SMPD3: variants seen among roughly 807,000 people sequenced by gnomAD.
The protein encoded by SMPD3 is nSMase-2.
SMPD3 carries 21 observed loss-of-function variants against 55.7 expected under a neutral mutation model. The observed-to-expected ratio is 0.38, with a 90% confidence interval of 0.27 to 0.54. The LOEUF is 0.54. Among genes scored for constraint, SMPD3 ranks in the 20% least tolerant of loss-of-function variants. The pLI is 0.80. For missense variants in SMPD3, 842 were observed against 899.6 expected, an observed-to-expected ratio of 0.94 and a Z score of 0.82; for synonymous variants, 457 against 404.3, an observed-to-expected ratio of 1.13 and a Z score of -1.56.
intron 1 of SMPD3, among the ~76,000 whole-genome samples, chr16:68,411,369 C>T (rs1398876165): frequency 6.6e-6 from 1 of 152,230 alleles, no homozygotes; most frequent in African/African-American, 2.4e-5. Context: ...TGAGGACAAC[C>T]ACCATCCTCT....
At chr16:68,434,729 A>T (rs954092690) in intron 1 of SMPD3, among the ~76,000 whole-genome samples, 1 of 151,956 alleles carries the variant, frequency 6.6e-6, no homozygotes, top group Non-Finnish European at 1.5e-5. Flanking sequence ...TGGAAGGGAG[A>T]CATCTTGTTT....
intron 2 of SMPD3, among the ~76,000 whole-genome samples, chr16:68,373,827 G>A (rs2089737619): frequency 6.6e-6 from 1 of 152,126 alleles, no homozygotes; most frequent in South Asian, 2.1e-4. Flanking sequence ...CAGGCCTGCG[G>A]GTCTCTGCAG....
rs1255309230 is a variant in SMPD3 at position 68,361,307 on chromosome 16, C to G, written c.1867G>C (p.Glu623Gln). The change falls in exon 9 of 9, where the codon GAG becomes CAG. Residue 623 changes from glutamate (E) to glutamine (Q), a missense_variant and splice_region_variant. By Grantham distance (29) the Glu-to-Gln change is conservative. Coordinates refer to ENST00000219334, the MANE Select transcript of SMPD3 (RefSeq NM_018667.4). ...EEGLCPDWKAEVEEFSFITQL... is the reference protein window; with the variant it reads ...EEGLCPDWKAQVEEFSFITQL... ...GTGATAAAACTGAATTCTTCCACCT[C>G]CTGGGGTGAGTGGGAGAGGGGAGAA... 6.2e-7 allele frequency: 1 copy of G among 1,609,518 alleles called. No individual in the cohort carries two copies. Among genetic ancestry groups the G allele is most frequent in the Non-Finnish European group, 8.5e-7 (1 of 1,177,980 alleles).
intron 1 of SMPD3, among the ~76,000 whole-genome samples, chr16:68,393,756 T>C (rs754655715): frequency 6.6e-6 from 1 of 152,212 alleles, no homozygotes; most frequent in Non-Finnish European, 1.5e-5. Flanking sequence ...CTTTTGTCTT[T>C]TATATTTTTG....
In SMPD3 at chr16:68,383,403, C is replaced by T. The variant is rs557044531; in HGVS notation, c.-207+3195G>A. Among the ~76,000 whole-genome samples, 206 of 152,306 alleles carry T rather than the reference C, an allele frequency of 1.4e-3. 1 individual carries two copies. The highest frequency in any genetic ancestry group is 2.0e-3 in the Non-Finnish European group (138 of 68,024). Reference sequence around the variant, plus strand: ...TCTTGGTAAAGTTTTGGAAAGAAAACGTCCAGAACAGAGGTCAGCACCTCT... The same window carrying T: ...TCTTGGTAAAGTTTTGGAAAGAAAATGTCCAGAACAGAGGTCAGCACCTCT... On this transcript the variant is annotated intron_variant, in intron 2 of 8. Coordinates refer to ENST00000219334, the MANE Select transcript of SMPD3 (RefSeq NM_018667.4).
chr16:68,428,247 T>C (rs1049394432), intron 1 of SMPD3, among the ~76,000 whole-genome samples: 6 of 152,220 alleles, frequency 3.9e-5, no homozygotes, highest in African/African-American at 1.4e-4. Flanking sequence ...GATATGGCCA[T>C]GGTAAAAAGA....
chr16:68,361,121 G>T lies in SMPD3; in HGVS notation c.*85C>A. The T allele has an allele frequency of 7.9e-7, 1 of 1,270,914 alleles. No individual in the cohort carries two copies. Among genetic ancestry groups the T allele is most frequent in the Non-Finnish European group, 1.1e-6 (1 of 901,334 alleles). 78.7% of individuals were successfully genotyped at this position (1,270,914 alleles called of 1,614,324 possible). On this transcript the variant is annotated 3_prime_UTR_variant, in exon 9 of 9. Coordinates refer to ENST00000219334, the MANE Select transcript of SMPD3 (RefSeq NM_018667.4). ...CCCTGTCCCTGCCCTCCTCCCCCAA[G>T]CACCGGGCACTCGATGGAGGGGACA...
rs1417221746 is a variant in SMPD3 at position 68,361,094 on chromosome 16, CTCCCTG to C, written c.*106_*111del. The C allele has an allele frequency of 4.7e-5, 46 of 973,204 alleles. No individual in the cohort carries two copies. Among genetic ancestry groups the C allele is most frequent in the Non-Finnish European group, 6.4e-5 (42 of 656,332 alleles). 60.3% of individuals were successfully genotyped at this position (973,204 alleles called of 1,614,324 possible). ...GTTCCCGGGCACTGACTGTGGCTCC[CTCCCTG>C]TCCCTGCCCTCCTCCCCCAAGCACC... On this transcript the variant is annotated 3_prime_UTR_variant, in exon 9 of 9. Coordinates refer to ENST00000219334, the MANE Select transcript of SMPD3 (RefSeq NM_018667.4).
Position 68,360,984 on chromosome 16 carries a change from G to C in SMPD3, c.*222C>G. ...AATCGTGTTGTGAAAGAATGGCACT[G>C]GTTAGGCAGCTGGAGGCTCCTGGGG... is the stretch of plus-strand genomic sequence containing the variant. On this transcript the variant is annotated 3_prime_UTR_variant, in exon 9 of 9. Transcript: ENST00000219334. 1.8e-6 allele frequency: 1 copy of C among 552,730 alleles called. No individual in the cohort carries two copies. Among genetic ancestry groups the C allele is most frequent in the East Asian group, 3.0e-5 (1 of 33,288 alleles). 34.2% of individuals were successfully genotyped at this position (552,730 alleles called of 1,614,324 possible).
rs549273411 is a variant in SMPD3, at chr16:68,404,183, ATTTTTTTT to A, written c.-268-17532_-268-17525del. Among the ~76,000 whole-genome samples the A allele has an allele frequency of 3.0e-5, 4 of 135,008 alleles. No individual in the cohort carries two copies. The highest frequency in any genetic ancestry group is 4.8e-5 in the Non-Finnish European group (3 of 62,178). The allele number at this position is 135,008 out of a possible 152,430, so 88.6% of individuals were successfully genotyped here. A position where few individuals can be genotyped will look rare whatever the true frequency, so the allele number is the denominator to read the frequency against. ...CAGTGCACACCACCACGCCCAGCTA[ATTTTTTTT>A]TTTTTTTTTTGAGATGGAGTTTCGC... On this transcript the variant is annotated intron_variant, in intron 1 of 8. Coordinates refer to ENST00000219334, the MANE Select transcript of SMPD3 (RefSeq NM_018667.4). The surrounding 1 kb of genome is among the most constrained non-coding windows in gnomAD (Gnocchi z 4.0).
At position 68,371,516 on chromosome 16, in the gene SMPD3, G is replaced by A. The variant is rs375428295; in HGVS notation, c.666C>T (p.Asp222=). 323 of 1,599,574 alleles carry A rather than the reference G, an allele frequency of 2.0e-4. No homozygotes were observed. The highest frequency in any genetic ancestry group is 4.5e-4 in the Admixed American group (27 of 59,738). ...CAGAGGCTGGGCCGTTGGCAGCCTC[G>A]TCACCGGGGTGCCGCCCACCGTCAC... is the stretch of plus-strand genomic sequence containing the variant. ...YKGDGGRHPG[D]EAANGPASGD... The change falls in exon 3 of 9, where the codon GAC becomes GAT. Residue 222 remains aspartate (D), a synonymous_variant. Coordinates refer to ENST00000219334, the MANE Select transcript of SMPD3 (RefSeq NM_018667.4).
At chr16:68,376,288 C>T (rs1421764245) in intron 2 of SMPD3, among the ~76,000 whole-genome samples, 3 of 152,206 alleles carry the variant, frequency 2.0e-5, no homozygotes, top group East Asian at 1.9e-4. Context: ...GGTGCTCAGC[C>T]GCACTGGTGC....
chr16:68,406,594 T>C (rs2090256428), intron 1 of SMPD3, among the ~76,000 whole-genome samples: 1 of 152,192 alleles, frequency 6.6e-6, no homozygotes, highest in Non-Finnish European at 1.5e-5. Context: ...TCCGTGTCCA[T>C]TCATCAGACT....
chr16:68,399,006 T>G (rs1386518674), intron 1 of SMPD3, among the ~76,000 whole-genome samples: 1 of 152,186 alleles, frequency 6.6e-6, no homozygotes, highest in African/African-American at 2.4e-5. Context: ...TTTAAAATAG[T>G]GATAAACAGT....
chr16:68,436,769 G>A (rs138445261), intron 1 of SMPD3, among the ~76,000 whole-genome samples: 1 of 152,280 alleles, frequency 6.6e-6, no homozygotes, highest in African/African-American at 2.4e-5. Flanking sequence ...ACTAATTCAT[G>A]GTGCCCCTTG....
chr16:68,378,551 C>A (rs1265481593), intron 2 of SMPD3, among the ~76,000 whole-genome samples: 1 of 152,106 alleles, frequency 6.6e-6, no homozygotes, highest in Non-Finnish European at 1.5e-5. Flanking sequence ...TCCCTGCAGT[C>A]CTCCCTGACC....
Position 68,372,369 on chromosome 16 carries a change from C to A in SMPD3, c.-188G>T, listed in dbSNP as rs113372032. Reference sequence around the variant, plus strand: ...TCATGGTTCACCTCGGTGGGCCATGCGGAGGCCTACTGCAGACCCTGCAGA... The same window carrying A: ...TCATGGTTCACCTCGGTGGGCCATGAGGAGGCCTACTGCAGACCCTGCAGA... On this transcript the variant is annotated 5_prime_UTR_variant, in exon 3 of 9. Coordinates refer to ENST00000219334, the MANE Select transcript of SMPD3 (RefSeq NM_018667.4). 1 of 712,888 alleles carries A rather than the reference C, an allele frequency of 1.4e-6. No homozygotes were observed. The highest frequency in any genetic ancestry group is 2.7e-5 in the East Asian group (1 of 37,036). The allele number at this position is 712,888 out of a possible 1,614,324, so 44.2% of individuals were successfully genotyped here.
At chr16:68,385,393 C>T (rs1191696666) in intron 2 of SMPD3, among the ~76,000 whole-genome samples, 1 of 152,172 alleles carries the variant, frequency 6.6e-6, no homozygotes, top group Admixed American at 6.5e-5. Flanking sequence ...TCCTTCTTGT[C>T]GATCCCCCTC....
chr16:68,397,796 C>A (rs1488793787), intron 1 of SMPD3, among the ~76,000 whole-genome samples: 16 of 152,190 alleles, frequency 1.1e-4, no homozygotes, highest in South Asian at 2.1e-4. Context: ...CTTCAGGAAG[C>A]CTTCCCCCCT....
Sources: gnomAD v4.1 joint callset for allele counts (sites outside exome capture counted in the v4.1 genomes callset) on GRCh38, gnomAD v4.1.1 for gene constraint, Gnocchi (gnomAD v3.1) non-coding constraint, MANE v1.5 for transcripts, NCBI Gene and HGNC (gene_info 2026-07-23, HGNC 2026-07-21) for gene names.